Variants in ENPP6 observed in about 807,000 individuals in gnomAD.
ENPP6 encodes the protein glycerophosphocholine cholinephosphodiesterase ENPP6.
A neutral mutation model predicts 42.0 loss-of-function variants in ENPP6; 32 were observed. That is an observed-to-expected ratio of 0.76 (90% CI 0.58 to 1.02). The LOEUF (loss-of-function observed/expected upper bound fraction) is 1.02. ENPP6 is among the 50% of genes least tolerant of loss of function. ENPP6 has a pLI of 0.00. For missense variants in ENPP6, 552 were observed against 566.8 expected (o/e 0.97, Z 0.27); for synonymous variants, 213 against 216.0 (o/e 0.99, Z 0.12).
intron 6 of ENPP6, among the ~76,000 whole-genome samples, chr4:184,106,730 C>T (rs771100308): frequency 6.6e-6 from 1 of 152,094 alleles, no homozygotes; most frequent in Non-Finnish European, 1.5e-5. Context: ...GTGTGGCATG[C>T]GTGTTTATTT....
intron 6 of ENPP6, among the ~76,000 whole-genome samples, chr4:184,106,227 G>T (rs925736914): frequency 6.6e-6 from 1 of 151,766 alleles, no homozygotes; most frequent in Non-Finnish European, 1.5e-5. Context: ...TAGAGACAGG[G>T]TTTCATCACG....
chr4:184,106,613 G>GC lies in ENPP6; in HGVS notation c.993+6058dup, dbSNP rs563958851. ...GCCTCAAGCTCCCTTCTCAGAGAGG[G>GC]CCCCCCCAGCCCCTCATCTATATCG... is the stretch of plus-strand genomic sequence containing the variant. On this transcript the variant is annotated intron_variant, in intron 6 of 7. Transcript: ENST00000296741. 1.3e-3 allele frequency among the ~76,000 whole-genome samples: 195 copies of GC among 152,028 alleles called. 1 individual carries two copies. In the South Asian group the frequency reaches 0.039, roughly 30 times the overall value.
intron 1 of ENPP6, among the ~76,000 whole-genome samples, chr4:184,199,639 T>C (rs1370420115): frequency 6.6e-6 from 1 of 152,182 alleles, no homozygotes; most frequent in Admixed American, 6.5e-5. Context: ...GTCTCCACCG[T>C]GACATCCACA....
rs1560987429 is a variant in ENPP6, at chr4:184,131,252, C to CTTTCCT, written c.422-6981_422-6980insAGGAAA. ...TTTCTTTCCTTTTCTTTCTTTCTTT[C>CTTTCCT]TCTTTCTCTTCCTTCCTTCCTTCCT... On this transcript the variant is annotated intron_variant, in intron 2 of 7. Transcript: ENST00000296741. Among the ~76,000 whole-genome samples, 213 of 80,994 alleles carry CTTTCCT rather than the reference C, an allele frequency of 2.6e-3. 17 individuals are homozygous for CTTTCCT. Among genetic ancestry groups the CTTTCCT allele is most frequent in the South Asian group, 0.014 (33 of 2,368 alleles). The allele number at this position is 80,994 out of a possible 152,430, so 53.1% of individuals were successfully genotyped here.
At chr4:184,179,151 C>T (rs562153084) in intron 1 of ENPP6, among the ~76,000 whole-genome samples, 1 of 152,268 alleles carries the variant, frequency 6.6e-6, no homozygotes, top group East Asian at 1.9e-4. Context: ...GAAAGATACA[C>T]ATAAGCTCAA....
intron 6 of ENPP6, among the ~76,000 whole-genome samples, chr4:184,111,892 G>C (rs1410684697): frequency 6.6e-6 from 1 of 152,178 alleles, no homozygotes; most frequent in Non-Finnish European, 1.5e-5. Context: ...CTTACACTTG[G>C]TTGGCCTCAA....
chr4:184,126,896 T>C lies in ENPP6; in HGVS notation c.422-2624A>G, dbSNP rs1579622680. ...AATATGGTCTTTCTGGGGAAAATAT[T>C]ATTTACCATATTATCTCTATTGTTC... is the stretch of plus-strand genomic sequence containing the variant. On this transcript the variant is annotated intron_variant, in intron 2 of 7. Transcript: ENST00000296741. Among the ~76,000 whole-genome samples, 3 of 152,292 alleles carry C rather than the reference T, an allele frequency of 2.0e-5. No individual in the cohort carries two copies. In the South Asian group the frequency reaches 6.2e-4, roughly 32 times the overall value.
intron 1 of ENPP6, among the ~76,000 whole-genome samples, chr4:184,158,652 G>A (rs1196525508): frequency 1.3e-5 from 2 of 152,138 alleles, no homozygotes; most frequent in Non-Finnish European, 2.9e-5. Flanking sequence ...AACAAAATAT[G>A]AGTGAACATC....
intron 1 of ENPP6, among the ~76,000 whole-genome samples, chr4:184,193,958 G>A (rs533269841): frequency 1.3e-5 from 2 of 152,248 alleles, no homozygotes; most frequent in East Asian, 3.9e-4. Context: ...GCCTTTCCTT[G>A]ATTGCTTTGG....
At chr4:184,205,234 A>G (rs1732974993) in intron 1 of ENPP6, among the ~76,000 whole-genome samples, 1 of 152,200 alleles carries the variant, frequency 6.6e-6, no homozygotes, top group Non-Finnish European at 1.5e-5. Context: ...TGCCCAGCCC[A>G]CTATAATAAG....
At chr4:184,159,069 A>C (rs1737220697) in intron 1 of ENPP6, among the ~76,000 whole-genome samples, 1 of 152,130 alleles carries the variant, frequency 6.6e-6, no homozygotes, top group South Asian at 2.1e-4. Flanking sequence ...TTCTGGCTAC[A>C]TGTTTTATGT....
At chr4:184,175,145 C>CCCTCA (rs1737539787) in intron 1 of ENPP6, among the ~76,000 whole-genome samples, 1 of 152,144 alleles carries the variant, frequency 6.6e-6, no homozygotes, top group Non-Finnish European at 1.5e-5. Flanking sequence ...TGTCCTCACT[C>CCCTCA]CCTCACCTCC....
chr4:184,165,739 C>T lies in ENPP6; in HGVS notation c.242-12006G>A, dbSNP rs149356991. Among the ~76,000 whole-genome samples the T allele has an allele frequency of 2.0e-3, 308 of 152,298 alleles. 1 individual carries two copies. Among genetic ancestry groups the T allele is most frequent in the African/African-American group, 6.8e-3 (281 of 41,560 alleles). Reference sequence around the variant, plus strand: ...GAAGCCAGCTGTGGAAAGAGAGGCTCCCAAAGTTCTGAAATCAGGGGTCTC... The same window carrying T: ...GAAGCCAGCTGTGGAAAGAGAGGCTTCCAAAGTTCTGAAATCAGGGGTCTC... On this transcript the variant is annotated intron_variant, in intron 1 of 7. Coordinates refer to ENST00000296741, the MANE Select transcript of ENPP6 (RefSeq NM_153343.4).
At position 184,112,806 on chromosome 4, in the gene ENPP6, A is replaced by G. The variant is rs1464118602; in HGVS notation, c.859T>C (p.Tyr287His). The G allele has an allele frequency of 6.8e-6, 11 of 1,612,588 alleles. No individual in the cohort carries two copies. Among genetic ancestry groups the G allele is most frequent in the East Asian group, 2.2e-5 (1 of 44,862 alleles). The change falls in exon 6 of 8, where the codon TAT becomes CAT. Residue 287 changes from tyrosine (Y) to histidine (H), a missense_variant. By Grantham distance (83) the Tyr-to-His change is moderately conservative (BLOSUM62 2). Transcript: ENST00000296741. ...WPAPGKHSEI[Y>H]NKLSTVEHMT... Reference sequence around the variant, plus strand: ...TGTTCCACTGTGCTCAGTTTGTTATATATCTGCAAAGAAAATCAAGAGTGA... The same window carrying G: ...TGTTCCACTGTGCTCAGTTTGTTATGTATCTGCAAAGAAAATCAAGAGTGA...
intron 5 of ENPP6, 64 bp from the exon 6 acceptor site, chr4:184,112,873 A>G (rs1223972374): frequency 6.7e-7 from 1 of 1,488,604 alleles, no homozygotes; most frequent in African/African-American, 1.4e-5. Flanking sequence ...TATTTACTGG[A>G]GCTAGGGGAG....
intron 1 of ENPP6, among the ~76,000 whole-genome samples, chr4:184,205,585 T>C (rs2111119000): frequency 6.6e-6 from 1 of 152,368 alleles, no homozygotes; most frequent in Non-Finnish European, 1.5e-5. Context: ...CAGAACCCGC[T>C]GGAGGGTTTG....
At chr4:184,213,758 A>G (rs951174304) in intron 1 of ENPP6, among the ~76,000 whole-genome samples, 3 of 149,042 alleles carry the variant, frequency 2.0e-5, no homozygotes, top group Non-Finnish European at 3.0e-5. Context: ...CCAAAGGACT[A>G]TAAATCATGC....
intron 6 of ENPP6, among the ~76,000 whole-genome samples, chr4:184,098,698 C>T (rs935157760): frequency 7.2e-5 from 11 of 152,194 alleles, no homozygotes; most frequent in Non-Finnish European, 1.6e-4. Flanking sequence ...TACAGCTGAT[C>T]ACTTGCTATG....
At chr4:184,157,644 A>T in intron 1 of ENPP6, among the ~76,000 whole-genome samples, 1 of 129,412 alleles carries the variant, frequency 7.7e-6, no homozygotes, top group South Asian at 2.4e-4. Flanking sequence ...TCCTGATCTC[A>T]CTTTGTCACC....
Sources: gnomAD v4.1 joint callset for allele counts (sites outside exome capture counted in the v4.1 genomes callset) on GRCh38, gnomAD v4.1.1 for gene constraint, MANE v1.5 for transcripts, NCBI Gene and HGNC (gene_info 2026-07-23, HGNC 2026-07-21) for gene names.